Variants in ELL2 observed in about 807,000 individuals in gnomAD.
The protein encoded by ELL2 is elongation factor for RNA polymerase II 2, also known as RNA polymerase II elongation factor ELL2.
In ELL2, 21 loss-of-function variants were observed where a neutral mutation model predicts 72.8. The ratio of observed to expected loss-of-function variants is 0.29; its 90% CI spans 0.20 to 0.42. The LOEUF is 0.42. ELL2 is among the 10% of genes least tolerant of loss of function. The probability of loss-of-function intolerance (pLI) is 1.00; values close to 1 mark genes in which losing one functional copy is unlikely to be tolerated. For synonymous variants in ELL2, 266 were observed against 283.2 expected (o/e 0.94, Z 0.61); for missense variants, 568 against 772.8 (o/e 0.73, Z 3.14).
At chr5:95,891,503 G>A (rs1286177239) in intron 9 of ELL2, among the ~76,000 whole-genome samples, 1 of 152,198 alleles carries the variant, frequency 6.6e-6, no homozygotes. Context: ...GTAAAGACAT[G>A]GTGGCAATGG....
intron 1 of ELL2, among the ~76,000 whole-genome samples, chr5:95,946,377 C>A (rs1751159826): frequency 6.6e-6 from 1 of 152,170 alleles, no homozygotes; most frequent in South Asian, 2.1e-4. Flanking sequence ...CCAGGGCTCC[C>A]AGTCACCAAA....
chr5:95,912,005 G>A (rs1202606327), intron 4 of ELL2, among the ~76,000 whole-genome samples: 1 of 152,122 alleles, frequency 6.6e-6, no homozygotes, highest in African/African-American at 2.4e-5. Flanking sequence ...GGTATAATTT[G>A]GTTCACATGT....
At chr5:95,942,237 T>C (rs1750995171) in intron 2 of ELL2, among the ~76,000 whole-genome samples, 1 of 152,246 alleles carries the variant, frequency 6.6e-6, no homozygotes, top group Admixed American at 6.5e-5. Flanking sequence ...CAGCTTATGT[T>C]TTCTCTATAG....
At chr5:95,938,641 G>A (rs1363100135) in intron 2 of ELL2, among the ~76,000 whole-genome samples, 4 of 152,108 alleles carry the variant, frequency 2.6e-5, no homozygotes, top group Non-Finnish European at 5.9e-5. Context: ...AGGATTGCTT[G>A]AGCCCAGGAG....
intron 7 of ELL2, among the ~76,000 whole-genome samples, chr5:95,899,233 TGAGAA>T (rs1418991882): frequency 6.6e-6 from 1 of 152,196 alleles, no homozygotes; most frequent in African/African-American, 2.4e-5. Context: ...TTATATTAAA[TGAGAA>T]GAGAAAGCAA....
intron 5 of ELL2, among the ~76,000 whole-genome samples, chr5:95,905,118 C>T (rs531731492): frequency 6.6e-6 from 1 of 151,936 alleles, no homozygotes; most frequent in South Asian, 2.1e-4. Context: ...TAAAGGCTAC[C>T]CAAGGGATTC....
intron 3 of ELL2, among the ~76,000 whole-genome samples, chr5:95,917,537 T>C (rs1303323866): frequency 6.6e-6 from 1 of 152,206 alleles, no homozygotes; most frequent in Non-Finnish European, 1.5e-5. Context: ...AGCCAGATTA[T>C]GGACAGGTCA....
chr5:95,918,312 C>T (rs1042472219), intron 3 of ELL2, among the ~76,000 whole-genome samples: 1 of 152,156 alleles, frequency 6.6e-6, no homozygotes, highest in Non-Finnish European at 1.5e-5. Flanking sequence ...GCCAATGTGG[C>T]CAGTGGCCAT....
At chr5:95,890,404 C>T (rs1439651402) in intron 10 of ELL2, among the ~76,000 whole-genome samples, 1 of 152,184 alleles carries the variant, frequency 6.6e-6, no homozygotes, top group East Asian at 1.9e-4. Context: ...CACCACTATA[C>T]CACCTGTGTC....
At chr5:95,909,128 A>G (rs1749484961) in intron 4 of ELL2, among the ~76,000 whole-genome samples, 2 of 152,128 alleles carry the variant, frequency 1.3e-5, no homozygotes, top group African/African-American at 4.8e-5. Context: ...GAGAAGACAA[A>G]TAAGGGAGGC....
chr5:95,914,989 T>G (rs1454711870), intron 3 of ELL2, among the ~76,000 whole-genome samples: 1 of 152,222 alleles, frequency 6.6e-6, no homozygotes, highest in Non-Finnish European at 1.5e-5. Context: ...ATAAAGAAAT[T>G]GCTATGGCCT....
intron 5 of ELL2, 78 bp from the exon 6 acceptor site, chr5:95,901,158 T>C (rs1749123694): frequency 7.0e-7 from 1 of 1,438,496 alleles, no homozygotes; most frequent in African/African-American, 1.4e-5. Flanking sequence ...CCTTTAGGAT[T>C]TACACTGAAA....
intron 2 of ELL2, among the ~76,000 whole-genome samples, chr5:95,923,721 A>G (rs1433777778): frequency 2.0e-5 from 3 of 152,106 alleles, no homozygotes; most frequent in Admixed American, 2.0e-4. Context: ...TGGTAGTTTC[A>G]GAGCAGCATC....
Position 95,913,837 on chromosome 5 carries a change from T to C in ELL2, c.415A>G (p.Thr139Ala), listed in dbSNP as rs1272310865. Residue 139 changes from threonine to alanine, a missense_variant, in exon 4 of 12, where the codon ACC (threonine) becomes GCC (alanine). Thr to Ala is a moderately conservative substitution (Grantham distance 58). Transcript: ENST00000237853. ...DSYQMTRERM[T>A]QAEEESRNRS... is the part of the protein sequence containing the mutation. The stretch of plus-strand genomic sequence containing the variant: ...TTGCGGGATTCCTCCTCTGCCTGGG[T>C]CATTCTTTCTCGTGTCATCTGATAC... 6 of 1,613,450 alleles carry C rather than the reference T, an allele frequency of 3.7e-6. No individual in the cohort carries two copies. Among genetic ancestry groups the C allele is most frequent in the African/African-American group, 1.3e-5 (1 of 74,844 alleles).
At chr5:95,936,260 G>A (rs903636250) in intron 2 of ELL2, among the ~76,000 whole-genome samples, 1 of 152,212 alleles carries the variant, frequency 6.6e-6, no homozygotes, top group Non-Finnish European at 1.5e-5. Context: ...AGAGAGGTCA[G>A]AGGTTACCCA....
chr5:95,886,119 A>G lies in ELL2; in HGVS notation c.*2752T>C, dbSNP rs1748455608. On this transcript the variant is annotated 3_prime_UTR_variant, in exon 12 of 12. Transcript: ENST00000237853. ...TATTTTTCACACCATCCTTCCAAAA[A>G]AGAAAAGAAAAAAAACTAGATAAAT... The G allele has an allele frequency of 6.6e-6, 1 of 151,938 alleles. No individual in the cohort carries two copies. The highest frequency in any genetic ancestry group is 1.5e-5 in the Non-Finnish European group (1 of 68,008). The allele number at this position is 151,938 out of a possible 1,614,324, so 9.4% of individuals were successfully genotyped here.
At chr5:95,937,796 G>C (rs1750830754) in intron 2 of ELL2, among the ~76,000 whole-genome samples, 1 of 152,172 alleles carries the variant, frequency 6.6e-6, no homozygotes, top group African/African-American at 2.4e-5. Context: ...GCAACATTCA[G>C]AGCCGACTGA....
At chr5:95,938,816 TA>T (rs1337437642) in intron 2 of ELL2, among the ~76,000 whole-genome samples, 4 of 152,156 alleles carry the variant, frequency 2.6e-5, no homozygotes, top group African/African-American at 7.2e-5. Context: ...GCAACTAAAT[TA>T]GAAAGAATTT....
intron 1 of ELL2, among the ~76,000 whole-genome samples, chr5:95,953,277 T>C (rs929858077): frequency 6.6e-6 from 1 of 152,226 alleles, no homozygotes; most frequent in Non-Finnish European, 1.5e-5. Context: ...AGAAGATAAA[T>C]ACATGTTTGC....
Sources: allele counts gnomAD v4.1 joint callset (sites outside exome capture counted in the v4.1 genomes callset), GRCh38; gene constraint gnomAD v4.1.1; transcripts MANE v1.5; gene names NCBI Gene and HGNC (gene_info 2026-07-23, HGNC 2026-07-21).